Variants in TRPC5 observed in about 807,000 individuals in gnomAD.
TRPC5 encodes short transient receptor potential channel 5.
A neutral mutation model predicts 56.5 loss-of-function variants in TRPC5; 9 were observed. The observed-to-expected ratio is 0.16, with a 90% CI of 0.10 to 0.28. The LOEUF (loss-of-function observed/expected upper bound fraction) is 0.28, where lower values mean the gene tolerates loss of function less well. Among genes scored for constraint, TRPC5 ranks in the 10% least tolerant of loss-of-function variants. The pLI is 1.00. For synonymous variants in TRPC5, 282 were observed against 278.5 expected, an observed-to-expected ratio of 1.01 and a Z score of -0.13; for missense variants, 469 against 748.9, an observed-to-expected ratio of 0.63 and a Z score of 4.36.
At chrX:111,945,552 TAG>T (rs2070073199) in intron 2 of TRPC5, among the ~76,000 whole-genome samples, 1 of 110,927 alleles carries the variant, frequency 9.0e-6, no homozygotes, top group Non-Finnish European at 1.9e-5. Context: ...TTCTACCTGA[TAG>T]AGTGTCATCA....
At chrX:112,034,092 A>G (rs1326273119) in intron 1 of TRPC5, among the ~76,000 whole-genome samples, 1 of 111,769 alleles carries the variant, frequency 8.9e-6, no homozygotes, top group African/African-American at 3.2e-5. Context: ...TTATTTTTTA[A>G]GATTGTTTTG....
intron 7 of TRPC5, among the ~76,000 whole-genome samples, chrX:111,828,716 G>C (rs950713700): frequency 4.5e-5 from 5 of 111,571 alleles, no homozygotes; most frequent in African/African-American, 1.3e-4. Context: ...ACTTCCTAAA[G>C]ACTTGGAGGG....
chrX:112,007,334 T>A (rs1416892280), intron 1 of TRPC5, among the ~76,000 whole-genome samples: 1 of 112,018 alleles, frequency 8.9e-6, no homozygotes, highest in Admixed American at 9.4e-5. Flanking sequence ...CTATTTCACA[T>A]GGGATACTGT....
chrX:111,860,246 A>G (rs5985361), intron 3 of TRPC5, among the ~76,000 whole-genome samples: 2,141 of 112,339 alleles, frequency 0.019, 54 homozygotes, highest in African/African-American at 0.064. Flanking sequence ...GGAACTAGGC[A>G]GAGAGAAACA....
At chrX:111,917,873 C>T (rs1461386213) in intron 2 of TRPC5, among the ~76,000 whole-genome samples, 3 of 112,832 alleles carry the variant, frequency 2.7e-5, no homozygotes, top group Non-Finnish European at 5.6e-5. Context: ...ATGGGACATT[C>T]TTGTTCTGTT....
chrX:111,781,925 A>G lies in TRPC5; in HGVS notation c.2100+10T>C, dbSNP rs1945922891. The G allele has an allele frequency of 8.6e-7, 1 of 1,167,205 alleles. No individual in the cohort carries two copies. Among genetic ancestry groups the G allele is most frequent in the Non-Finnish European group, 1.1e-6 (1 of 873,192 alleles). On this transcript the variant is annotated intron_variant, in intron 8 of 10. Transcript: ENST00000262839. ...TTTAAAAATTAAGTTTTCAAAATTA[A>G]AAGTCTTACTGTGAAACTTCTCAAG...
chrX:112,068,241 AG>A (rs1930634693), intron 1 of TRPC5, among the ~76,000 whole-genome samples: 1 of 112,398 alleles, frequency 8.9e-6, no homozygotes, highest in Admixed American at 9.4e-5. Context: ...CTAGCTATCC[AG>A]GAAGACTGAA....
At chrX:111,813,083 T>A (rs955684016) in intron 7 of TRPC5, among the ~76,000 whole-genome samples, 10 of 112,163 alleles carry the variant, frequency 8.9e-5, no homozygotes, top group African/African-American at 2.9e-4. Flanking sequence ...TTTTCTACTA[T>A]CTGTCCTACC....
intron 1 of TRPC5, among the ~76,000 whole-genome samples, chrX:111,963,245 T>C (rs1469101991): frequency 1.8e-5 from 2 of 111,925 alleles, no homozygotes; most frequent in East Asian, 5.7e-4. Context: ...CCATTTGAGA[T>C]CAAACTGCAA....
At chrX:111,981,839 C>A (rs1250198839) in intron 1 of TRPC5, among the ~76,000 whole-genome samples, 2 of 111,735 alleles carry the variant, frequency 1.8e-5, no homozygotes, top group African/African-American at 6.5e-5. Flanking sequence ...TATATATAAA[C>A]ACAAACTTAT....
chrX:112,006,749 G>A (rs1053335010), intron 1 of TRPC5, among the ~76,000 whole-genome samples: 14 of 112,038 alleles, frequency 1.2e-4, no homozygotes, highest in African/African-American at 3.9e-4. Context: ...TGGAGGCATC[G>A]GAGAGCCATT....
intron 1 of TRPC5, among the ~76,000 whole-genome samples, chrX:112,022,416 A>G (rs1481835448): frequency 1.8e-5 from 2 of 111,965 alleles, no homozygotes; most frequent in African/African-American, 6.5e-5. Flanking sequence ...GTTCACCAGA[A>G]CATGAGCTTT....
rs748010387 is a variant in TRPC5 at position 111,815,732 on chromosome X, C to CATATAT, written c.1896+19183_1896+19188dup. On this transcript the variant is annotated intron_variant, in intron 7 of 10. Transcript: ENST00000262839. Reference sequence around the variant, plus strand: ...AGAGACAGAGTGAGAATCACACACACATATATATATATATATATTCAGCAG... The same window carrying CATATAT: ...AGAGACAGAGTGAGAATCACACACACATATATATATATATATATATATATTCAGCAG... Among the ~76,000 whole-genome samples the CATATAT allele has an allele frequency of 3.8e-5, 4 of 106,237 alleles. No individual in the cohort carries two copies. In the South Asian group the frequency reaches 1.7e-3, roughly 44 times the overall value. The allele number at this position is 106,237 out of a possible 115,157, so 92.3% of individuals were successfully genotyped here. A position where few individuals can be genotyped will look rare whatever the true frequency, so the allele number is the denominator to read the frequency against.
At chrX:111,919,192 A>G (rs889236743) in intron 2 of TRPC5, among the ~76,000 whole-genome samples, 3 of 111,482 alleles carry the variant, frequency 2.7e-5, no homozygotes, top group African/African-American at 9.8e-5. Flanking sequence ...AAATCCACCA[A>G]TCAGTGCTCT....
In TRPC5 at chrX:111,775,100, T is replaced by C. The variant is rs1945867381; in HGVS notation, c.*1213A>G. The stretch of plus-strand genomic sequence containing the variant: ...AAAAGAATTTGTTTGGATGTATAAA[T>C]GTAGCTTTCTTGGAAGACAGTAGAA... On this transcript the variant is annotated 3_prime_UTR_variant, in exon 11 of 11. Transcript: ENST00000262839. 8.9e-6 allele frequency: 1 copy of C among 111,873 alleles called. No individual in the cohort carries two copies. Among genetic ancestry groups the C allele is most frequent in the Admixed American group, 9.5e-5 (1 of 10,514 alleles). The allele number at this position is 111,873 out of a possible 1,213,427, so 9.2% of individuals were successfully genotyped here. A position where few individuals can be genotyped will look rare whatever the true frequency, so the allele number is the denominator to read the frequency against.
At position 111,773,480 on chromosome X, in the gene TRPC5, T is replaced by C. The variant is rs946357216; in HGVS notation, c.*2833A>G. Among the ~76,000 whole-genome samples, 1 of 112,098 alleles carries C rather than the reference T, an allele frequency of 8.9e-6. No homozygotes were observed. The highest frequency in any genetic ancestry group is 3.2e-5 in the African/African-American group (1 of 30,828). The stretch of plus-strand genomic sequence containing the variant: ...TTTTTGTATTATTTGTGTTTGACTT[T>C]GCAGTACATTTTTAACTTCACATTT... On this transcript the variant is annotated 3_prime_UTR_variant, in exon 11 of 11. Transcript: ENST00000262839.
At chrX:111,817,619 C>T (rs918122029) in intron 7 of TRPC5, among the ~76,000 whole-genome samples, 1 of 110,892 alleles carries the variant, frequency 9.0e-6, no homozygotes, top group Non-Finnish European at 1.9e-5. Flanking sequence ...CCACCGTGCC[C>T]GGCCTCTTTT....
chrX:112,022,963 C>T (rs143793635), intron 1 of TRPC5, among the ~76,000 whole-genome samples: 9,084 of 110,053 alleles, frequency 0.083, 381 homozygotes, highest in African/African-American at 0.15. Flanking sequence ...GAGACGGAGT[C>T]TCGCCCTGTC....
At position 111,944,304 on chromosome X, in the gene TRPC5, G is replaced by GTGTGTGTGTGTGAGAA. The variant is rs1556592186; in HGVS notation, c.378+7738_378+7739insTTCTCACACACACACA. 8.2e-3 allele frequency among the ~76,000 whole-genome samples: 578 copies of GTGTGTGTGTGTGAGAA among 70,144 alleles called. 11 individuals are homozygous for GTGTGTGTGTGTGAGAA. The highest frequency in any genetic ancestry group is 0.036 in the African/African-American group (542 of 15,004). The allele number at this position is 70,144 out of a possible 115,157, so 60.9% of individuals were successfully genotyped here. A position where few individuals can be genotyped will look rare whatever the true frequency, so the allele number is the denominator to read the frequency against. On this transcript the variant is annotated intron_variant, in intron 2 of 10. Coordinates refer to ENST00000262839, the MANE Select transcript of TRPC5 (RefSeq NM_012471.3). ...TGTGTGTGTGTGTGTGTGTGTGTGT[G>GTGTGTGTGTGTGAGAA]AGAGAGAGAGAGAGAGAGAGAGAGA...
Sources: allele counts gnomAD v4.1 joint callset (sites outside exome capture counted in the v4.1 genomes callset), GRCh38; gene constraint gnomAD v4.1.1; transcripts MANE v1.5; gene names NCBI Gene and HGNC (gene_info 2026-07-23, HGNC 2026-07-21).